Variants in ZBBX observed in about 807,000 individuals in gnomAD.
ZBBX encodes the protein zinc finger B-box domain-containing protein 1.
Under a neutral mutation model 108.5 loss-of-function variants are expected in ZBBX, and 101 were observed. That is an observed-to-expected ratio of 0.93 (90% confidence interval 0.79 to 1.10). The LOEUF is 1.10. Ranked by LOEUF, ZBBX falls within the 50% of genes least tolerant of loss-of-function variation. The pLI, the probability that ZBBX is intolerant of heterozygous loss-of-function variation, is 0.00. For missense variants in ZBBX, 1,009 were observed against 941.4 expected, an observed-to-expected ratio of 1.07 and a Z score of -0.94; for synonymous variants, 356 against 323.4, an observed-to-expected ratio of 1.10 and a Z score of -1.08.
rs1748161509 is a variant in ZBBX at position 167,394,185 on chromosome 3, A to T, written c.-446+13541T>A. Among the ~76,000 whole-genome samples, 3 of 152,034 alleles carry T rather than the reference A, an allele frequency of 2.0e-5. 1 individual carries two copies. The South Asian group carries it at 6.2e-4, about 31-fold the overall frequency. ...TACAGTGCTTCTCAACACAAGTGAA[A>T]TTCAGCAGAAATCCATTGGGTGGAG... On this transcript the variant is annotated intron_variant, in intron 1 of 21. Coordinates refer to the ZBBX transcript ENST00000455345.
intron 12 of ZBBX, among the ~76,000 whole-genome samples, chr3:167,318,935 G>GA (rs928635202): frequency 7.3e-5 from 11 of 150,416 alleles, no homozygotes; most frequent in Non-Finnish European, 1.0e-4. Flanking sequence ...TCAAACAAAA[G>GA]AAAAAAAAAC....
chr3:167,322,532 T>C (rs1411438441), intron 11 of ZBBX, among the ~76,000 whole-genome samples: 1 of 152,054 alleles, frequency 6.6e-6, no homozygotes, highest in Non-Finnish European at 1.5e-5. Context: ...AAACATTCAT[T>C]GTACATTGTA....
intron 20 of ZBBX, among the ~76,000 whole-genome samples, chr3:167,267,152 C>G (rs1049321368): frequency 6.6e-6 from 1 of 152,210 alleles, no homozygotes; most frequent in Non-Finnish European, 1.5e-5. Context: ...TGCGGTTCCA[C>G]GGTCACCTCA....
chr3:167,233,490 A>T, the ZBBX span, among the ~76,000 whole-genome samples: 1 of 151,688 alleles, frequency 6.6e-6, no homozygotes, highest in South Asian at 2.1e-4. Flanking sequence ...AAAGAAATAG[A>T]GCCAGTGAGC....
chr3:167,338,872 T>C (rs1008233713), intron 9 of ZBBX, among the ~76,000 whole-genome samples: 3 of 152,166 alleles, frequency 2.0e-5, no homozygotes, highest in African/African-American at 4.8e-5. Context: ...TTGTTCGATA[T>C]GATTGGAACT....
intron 1 of ZBBX, among the ~76,000 whole-genome samples, chr3:167,399,833 G>A (rs1748364616): frequency 6.6e-6 from 1 of 152,070 alleles, no homozygotes; most frequent in East Asian, 1.9e-4. Context: ...TTACCCAATA[G>A]GTAGTTTTTC....
intron 16 of ZBBX, among the ~76,000 whole-genome samples, chr3:167,311,902 T>C (rs377271084): frequency 4.6e-5 from 7 of 152,280 alleles, no homozygotes; most frequent in African/African-American, 1.7e-4. Context: ...AACATACCTG[T>C]ACCATATGAT....
At chr3:167,203,124 T>C in the ZBBX span, among the ~76,000 whole-genome samples, 1 of 152,114 alleles carries the variant, frequency 6.6e-6, no homozygotes, top group African/African-American at 2.4e-5. Flanking sequence ...AAATTTCTCA[T>C]AATTTTGGAG....
intron 1 of ZBBX, chr3:167,392,975 G>T (rs1251119565): frequency 2.0e-5 from 3 of 151,820 alleles, no homozygotes; most frequent in Non-Finnish European, 4.4e-5. Context: ...CCATGGGATG[G>T]AATGAGGAAT....
At chr3:167,296,109 C>T (rs1008275769) in intron 18 of ZBBX, among the ~76,000 whole-genome samples, 4 of 151,644 alleles carry the variant, frequency 2.6e-5, no homozygotes, top group Non-Finnish European at 2.9e-5. Context: ...TATGAAAATC[C>T]ATCAGTGTAA....
At chr3:167,277,612 A>T (rs1727857439) in intron 20 of ZBBX, among the ~76,000 whole-genome samples, 1 of 152,166 alleles carries the variant, frequency 6.6e-6, no homozygotes, top group African/African-American at 2.4e-5. Flanking sequence ...GTCCTGAGTG[A>T]CCTACAAAGA....
rs1452984944 is a variant in ZBBX, at chr3:167,298,540, G to A, written c.1726-82C>T. On this transcript the variant is annotated intron_variant, in intron 17 of 21. Coordinates refer to ENST00000675490, the MANE Select transcript of ZBBX (RefSeq NM_001199201.2). ...TATTCATTTATCAGATACCTACTTGGTATCTGATATACTTGGCACAAATTC... is the reference window on the plus strand; with the variant it reads ...TATTCATTTATCAGATACCTACTTGATATCTGATATACTTGGCACAAATTC... 9 of 1,082,110 alleles carry A rather than the reference G, an allele frequency of 8.3e-6. No homozygotes were observed. In the East Asian group the frequency reaches 2.4e-4, roughly 29 times the overall value. 67.0% of individuals were successfully genotyped at this position (1,082,110 alleles called of 1,614,324 possible).
intron 18 of ZBBX, among the ~76,000 whole-genome samples, chr3:167,292,825 G>T (rs1407793722): frequency 6.6e-6 from 1 of 152,094 alleles, no homozygotes; most frequent in Non-Finnish European, 1.5e-5. Context: ...AAGAAGAAAA[G>T]AGAGAAGAAT....
intron 9 of ZBBX, 117 bp downstream of exon 9, chr3:167,350,303 A>G (rs1026876376): frequency 5.6e-6 from 4 of 708,392 alleles, no homozygotes; most frequent in Non-Finnish European, 9.2e-6. Flanking sequence ...ATATAATAGA[A>G]TTTTAGAAAT....
chr3:167,275,858 T>C (rs1727470641), intron 20 of ZBBX, among the ~76,000 whole-genome samples: 1 of 152,148 alleles, frequency 6.6e-6, no homozygotes, highest in African/African-American at 2.4e-5. Context: ...AGCAGTAACC[T>C]CTGCAGACTT....
chr3:167,229,873 GT>G, the ZBBX span, among the ~76,000 whole-genome samples: 26 of 151,954 alleles, frequency 1.7e-4, no homozygotes, highest in African/African-American at 5.8e-4. Flanking sequence ...TAACTCACCT[GT>G]AATAAGGCCA....
At chr3:167,231,035 A>G in the ZBBX span, among the ~76,000 whole-genome samples, 1 of 151,804 alleles carries the variant, frequency 6.6e-6, no homozygotes, top group Non-Finnish European at 1.5e-5. Flanking sequence ...GGAAACTCCT[A>G]GAGTCTTTGG....
intron 10 of ZBBX, among the ~76,000 whole-genome samples, chr3:167,332,432 G>C (rs1410220127): frequency 1.3e-5 from 2 of 152,120 alleles, no homozygotes; most frequent in African/African-American, 4.8e-5. Flanking sequence ...TTAAGACAAT[G>C]AGGCAGACAA....
chr3:167,385,297 G>T (rs1426921915), upstream of ZBBX, among the ~76,000 whole-genome samples: 3 of 151,862 alleles, frequency 2.0e-5, no homozygotes, highest in Non-Finnish European at 4.4e-5. Flanking sequence ...GTCAGTATTT[G>T]TGTATCTAAG....
Sources: allele counts gnomAD v4.1 joint callset (sites outside exome capture counted in the v4.1 genomes callset), GRCh38; gene constraint gnomAD v4.1.1; transcripts MANE v1.5; gene names NCBI Gene and HGNC (gene_info 2026-07-23, HGNC 2026-07-21).